Variants in EYS observed in about 807,000 individuals in gnomAD.
EYS encodes the protein EGF-like photoreceptor maintenance factor.
EYS carries 250 observed loss-of-function variants against 282.1 expected under a neutral mutation model. The ratio of observed to expected loss-of-function variants is 0.89; its 90% CI spans 0.80 to 0.98. The LOEUF (loss-of-function observed/expected upper bound fraction) is 0.98. Among genes scored for constraint, EYS ranks in the 50% least tolerant of loss-of-function variants. EYS has a pLI of 0.00. For missense variants in EYS, 4,016 were observed against 3,709.0 expected (o/e 1.08, Z -2.15); for synonymous variants, 1,355 against 1,282.9 (o/e 1.06, Z -1.20).
chr6:64,935,330 C>T (rs1583308402), intron 15 of EYS, among the ~76,000 whole-genome samples: 1 of 151,722 alleles, frequency 6.6e-6, no homozygotes, highest in African/African-American at 2.4e-5. Flanking sequence ...ATTGAGTGAA[C>T]ATTCCAATCA....
At chr6:64,755,140 A>G (rs1197672228) in intron 22 of EYS, among the ~76,000 whole-genome samples, 4 of 152,176 alleles carry the variant, frequency 2.6e-5, no homozygotes, top group Non-Finnish European at 2.9e-5. Context: ...ATTTCTATAC[A>G]TCAATAACAA....
At chr6:64,511,487 G>T (rs984176036) in intron 26 of EYS, among the ~76,000 whole-genome samples, 10 of 151,848 alleles carry the variant, frequency 6.6e-5, no homozygotes, top group African/African-American at 2.4e-4. Flanking sequence ...TCAATTTAAT[G>T]CATTTAGTGT....
At chr6:64,545,481 A>G (rs9688889) in intron 26 of EYS, among the ~76,000 whole-genome samples, 2 of 152,080 alleles carry the variant, frequency 1.3e-5, no homozygotes, top group Non-Finnish European at 2.9e-5. Context: ...TGCCCTCTCT[A>G]ACCACTCCTA....
chr6:65,242,823 T>C (rs971909447), intron 12 of EYS, among the ~76,000 whole-genome samples: 1 of 152,090 alleles, frequency 6.6e-6, no homozygotes, highest in Non-Finnish European at 1.5e-5. Context: ...GGTTGTAAAG[T>C]GGTAGCGTTT....
At chr6:64,072,344 C>G (rs962024546) in intron 32 of EYS, among the ~76,000 whole-genome samples, 2 of 151,436 alleles carry the variant, frequency 1.3e-5, no homozygotes, top group East Asian at 1.9e-4. Flanking sequence ...ACAACTTTAT[C>G]TTTTCTGCGT....
chr6:63,901,342 G>A (rs532698894), intron 35 of EYS, among the ~76,000 whole-genome samples: 18 of 152,102 alleles, frequency 1.2e-4, no homozygotes, highest in Non-Finnish European at 2.5e-4. Context: ...AGAATAGAAT[G>A]AAAAAGGATT....
At chr6:65,427,055 C>T (rs909127905) in intron 5 of EYS, among the ~76,000 whole-genome samples, 4 of 151,968 alleles carry the variant, frequency 2.6e-5, no homozygotes, top group African/African-American at 9.7e-5. Flanking sequence ...AAGCCATAGT[C>T]TTCTCTATTA....
chr6:64,964,546 T>C (rs932757688), intron 14 of EYS, among the ~76,000 whole-genome samples: 2 of 152,166 alleles, frequency 1.3e-5, no homozygotes, highest in South Asian at 2.1e-4. Context: ...AAATATCTTA[T>C]GTTTGTTAAG....
chr6:64,533,227 A>G (rs898743207), intron 26 of EYS, among the ~76,000 whole-genome samples: 2 of 152,186 alleles, frequency 1.3e-5, no homozygotes, highest in East Asian at 1.9e-4. Flanking sequence ...AATGACAAAT[A>G]GCTTCTCACA....
chr6:64,807,209 A>G (rs1488269731), intron 22 of EYS, among the ~76,000 whole-genome samples: 1 of 152,176 alleles, frequency 6.6e-6, no homozygotes, highest in African/African-American at 2.4e-5. Flanking sequence ...CTGACTATAA[A>G]TATTTCTTCT....
chr6:64,467,175 GGAATGCTGATATTTATTAGTATTCAGA>G (rs1320318508), intron 26 of EYS, among the ~76,000 whole-genome samples: 1 of 151,948 alleles, frequency 6.6e-6, no homozygotes, highest in Non-Finnish European at 1.5e-5. Flanking sequence ...TAGTATTCAG[GGAATGCTGATATTTATTAGTATTCAGA>G]GAATGTAATT....
chr6:65,677,208 G>T (rs746921423), intron 1 of EYS, among the ~76,000 whole-genome samples: 4 of 150,084 alleles, frequency 2.7e-5, no homozygotes, highest in Non-Finnish European at 5.9e-5. Context: ...AGTACCAGAA[G>T]TCCTAGCTAG....
At chr6:63,743,226 C>T (rs1201168572) in intron 41 of EYS, among the ~76,000 whole-genome samples, 1 of 152,100 alleles carries the variant, frequency 6.6e-6, no homozygotes, top group Admixed American at 6.6e-5. Context: ...TGTGGGTATA[C>T]ATTATACTTA....
At chr6:64,773,648 A>G (rs1773591336) in intron 22 of EYS, among the ~76,000 whole-genome samples, 1 of 151,546 alleles carries the variant, frequency 6.6e-6, no homozygotes, top group Admixed American at 6.6e-5. Context: ...GTTATTTTGG[A>G]CTCCTTAATA....
chr6:65,572,356 C>T (rs1288851488), intron 2 of EYS, among the ~76,000 whole-genome samples: 1 of 152,082 alleles, frequency 6.6e-6, no homozygotes, highest in East Asian at 1.9e-4. Flanking sequence ...GATAGAGAAA[C>T]AGTTCTTTAA....
chr6:64,018,536 A>G lies in EYS; in HGVS notation c.6726-19353T>C, dbSNP rs552904094. On this transcript the variant is annotated intron_variant, in intron 33 of 42. Coordinates refer to ENST00000503581, the MANE Select transcript of EYS (RefSeq NM_001142800.2). ...GCAAAAAATTTTTTGTGGTGTCTCAATTGAAATTTGATTTTGGTAACATTT... is the reference window on the plus strand; with the variant it reads ...GCAAAAAATTTTTTGTGGTGTCTCAGTTGAAATTTGATTTTGGTAACATTT... Among the ~76,000 whole-genome samples, 211 of 152,278 alleles carry G rather than the reference A, an allele frequency of 1.4e-3. 1 individual carries two copies. Among genetic ancestry groups the G allele is most frequent in the Non-Finnish European group, 2.7e-3 (182 of 68,018 alleles).
Position 65,362,516 on chromosome 6 carries a change from CATGCATATACATTACATAT to C in EYS, c.1300-8918_1300-8900del, listed in dbSNP as rs553435935. On this transcript the variant is annotated intron_variant, in intron 8 of 42. Transcript: ENST00000503581. ...GCGTGTTTGTATAAATGTATATACA[CATGCATATACATTACATAT>C]ATGCATATATGTATGTATACACATT... Among the ~76,000 whole-genome samples the C allele has an allele frequency of 6.5e-3, 988 of 151,794 alleles. 24 individuals carry two copies. Among genetic ancestry groups the C allele is most frequent in the Admixed American group, 0.059 (891 of 15,174 alleles).
chr6:64,120,123 A>G (rs140928049), intron 31 of EYS, among the ~76,000 whole-genome samples: 10,026 of 151,594 alleles, frequency 0.066, 994 homozygotes, highest in African/African-American at 0.22. Context: ...CAAGGTGGGC[A>G]GATCACGAGG....
At chr6:65,701,955 T>C (rs1412700066) in intron 1 of EYS, among the ~76,000 whole-genome samples, 1 of 152,182 alleles carries the variant, frequency 6.6e-6, no homozygotes, top group East Asian at 1.9e-4. Context: ...ACAAAGGTAG[T>C]ATCGGACATT....
Sources: gnomAD v4.1 joint callset for allele counts (sites outside exome capture counted in the v4.1 genomes callset) on GRCh38, gnomAD v4.1.1 for gene constraint, MANE v1.5 for transcripts, NCBI Gene and HGNC (gene_info 2026-07-23, HGNC 2026-07-21) for gene names.